Variants in NRG1 observed in about 807,000 individuals in gnomAD.
NRG1 encodes the protein pro-neuregulin-1, membrane-bound isoform.
In NRG1, 18 loss-of-function variants were observed where a neutral mutation model predicts 63.8. That is an observed-to-expected ratio of 0.28 (90% CI 0.19 to 0.42). The LOEUF is 0.42. Ranked by LOEUF, NRG1 falls within the 10% of genes least tolerant of loss-of-function variation. The pLI is 1.00. For missense variants in NRG1, 762 were observed against 814.7 expected (o/e 0.94, Z 0.79); for synonymous variants, 302 against 301.3 (o/e 1.00, Z -0.02).
chr8:31,676,537 A>G (rs1785338535), intron 1 of NRG1, among the ~76,000 whole-genome samples: 1 of 152,184 alleles, frequency 6.6e-6, no homozygotes, highest in South Asian at 2.1e-4. Context: ...CATCAGCAGC[A>G]ACAGCTTGTT....
At chr8:31,913,621 C>G (rs1833129834) in intron 1 of NRG1, among the ~76,000 whole-genome samples, 1 of 152,044 alleles carries the variant, frequency 6.6e-6, no homozygotes, top group African/African-American at 2.4e-5. Context: ...GACAAAGATG[C>G]AAATAGGCAA....
chr8:32,708,501 C>T (rs529772560), intron 5 of NRG1, among the ~76,000 whole-genome samples: 1 of 152,278 alleles, frequency 6.6e-6, no homozygotes, highest in East Asian at 1.9e-4. Context: ...TACTGAGAAC[C>T]TCCATTGAAT....
In NRG1 at chr8:31,772,119, A is replaced by G. The variant is rs1818682865; in HGVS notation, c.37+132688A>G. The stretch of plus-strand genomic sequence containing the variant: ...TTATCCCATTTGTGAGTCTTGATGC[A>G]CACAATTGACTAACTGTGTTTGGGT... On this transcript the variant is annotated intron_variant, in intron 1 of 10. Transcript: ENST00000519301. 2.0e-5 allele frequency among the ~76,000 whole-genome samples: 3 copies of G among 152,234 alleles called. No homozygotes were observed. In the South Asian group the frequency reaches 6.2e-4, roughly 31 times the overall value.
intron 1 of NRG1, among the ~76,000 whole-genome samples, chr8:31,724,678 T>C (rs1465024560): frequency 2.0e-5 from 3 of 152,148 alleles, no homozygotes; most frequent in Admixed American, 2.0e-4. Context: ...CACTTATTTG[T>C]AAGAGAAGCT....
chr8:31,817,923 T>C (rs1823612816), intron 1 of NRG1, among the ~76,000 whole-genome samples: 1 of 152,198 alleles, frequency 6.6e-6, no homozygotes, highest in Non-Finnish European at 1.5e-5. Flanking sequence ...ACAAATAATG[T>C]TTATTTTATA....
In NRG1 at chr8:31,709,514, A is replaced by G. The variant is rs539632227; in HGVS notation, c.37+70083A>G. Among the ~76,000 whole-genome samples the G allele has an allele frequency of 3.9e-5, 6 of 152,172 alleles. No individual in the cohort carries two copies. The East Asian group carries it at 1.2e-3, about 29-fold the overall frequency. On this transcript the variant is annotated intron_variant, in intron 1 of 10. Coordinates refer to the NRG1 transcript ENST00000519301. ...TAAAATTTTTCCTTGTTCTGGGGCT[A>G]TTTTAAAATGCTGGAATTCACTGTT... is the stretch of plus-strand genomic sequence containing the variant.
At chr8:32,069,754 G>C (rs981315717) in intron 1 of NRG1, among the ~76,000 whole-genome samples, 33 of 152,140 alleles carry the variant, frequency 2.2e-4, no homozygotes, top group African/African-American at 8.0e-4. Flanking sequence ...AAAACCTTGA[G>C]GGTGTTGGCA....
chr8:32,644,815 T>C (rs1853161432), intron 5 of NRG1, among the ~76,000 whole-genome samples: 1 of 151,788 alleles, frequency 6.6e-6, no homozygotes, highest in African/African-American at 2.4e-5. Context: ...TTTTTTTTTT[T>C]CTGCTGAATA....
chr8:32,177,406 C>T lies in NRG1; in HGVS notation c.38-418422C>T, dbSNP rs375578660. Among the ~76,000 whole-genome samples the T allele has an allele frequency of 5.9e-5, 9 of 151,794 alleles. No individual in the cohort carries two copies. The East Asian group carries it at 9.7e-4, about 16-fold the overall frequency. On this transcript the variant is annotated intron_variant, in intron 1 of 10. Coordinates refer to the NRG1 transcript ENST00000519301. ...TGAGGAGTTAATGGGTGCAGCACAC[C>T]GACATGGCACATGTATACATATGTA...
At chr8:32,087,832 G>A (rs1315640723) in intron 1 of NRG1, among the ~76,000 whole-genome samples, 1 of 152,150 alleles carries the variant, frequency 6.6e-6, no homozygotes, top group Non-Finnish European at 1.5e-5. Flanking sequence ...TGCAGCATTT[G>A]TCGTTCTTGA....
At chr8:31,841,452 C>T (rs1339879787) in intron 1 of NRG1, among the ~76,000 whole-genome samples, 1 of 152,086 alleles carries the variant, frequency 6.6e-6, no homozygotes, top group African/African-American at 2.4e-5. Flanking sequence ...ATTTGTACCT[C>T]TGCAAGATTT....
chr8:31,956,702 A>G (rs1804498677), intron 1 of NRG1, among the ~76,000 whole-genome samples: 1 of 152,214 alleles, frequency 6.6e-6, no homozygotes, highest in South Asian at 2.1e-4. Flanking sequence ...TTCATATAAC[A>G]TGATGAGAAG....
intron 1 of NRG1, among the ~76,000 whole-genome samples, chr8:32,087,338 T>C (rs768073678): frequency 2.6e-5 from 4 of 152,050 alleles, no homozygotes; most frequent in Non-Finnish European, 4.4e-5. Context: ...TCTTCCCCTT[T>C]TGCCTTCCAC....
At chr8:32,259,282 G>A (rs904355107) in intron 1 of NRG1, among the ~76,000 whole-genome samples, 12 of 152,210 alleles carry the variant, frequency 7.9e-5, no homozygotes, top group African/African-American at 1.4e-4. Context: ...TTTAACAGGC[G>A]ATTAGGCCAT....
At chr8:32,157,675 AAT>A (rs1444371004) in intron 1 of NRG1, among the ~76,000 whole-genome samples, 4 of 148,892 alleles carry the variant, frequency 2.7e-5, no homozygotes, top group Non-Finnish European at 5.9e-5. Flanking sequence ...TATATTTTTA[AAT>A]ATATGTTTAT....
intron 1 of NRG1, among the ~76,000 whole-genome samples, chr8:32,089,105 C>T (rs1463180401): frequency 6.6e-6 from 1 of 152,068 alleles, no homozygotes; most frequent in Non-Finnish European, 1.5e-5. Flanking sequence ...TGCTCATGTG[C>T]ATGGATCCCT....
chr8:31,732,768 C>T (rs546778542), intron 1 of NRG1, among the ~76,000 whole-genome samples: 23 of 151,976 alleles, frequency 1.5e-4, no homozygotes, highest in African/African-American at 5.3e-4. Flanking sequence ...GGTGATGCGC[C>T]CCTGTAATCT....
intron 1 of NRG1, among the ~76,000 whole-genome samples, chr8:31,938,857 A>C (rs1385210268): frequency 6.6e-6 from 1 of 152,186 alleles, no homozygotes; most frequent in East Asian, 1.9e-4. Context: ...AGTCCATCAA[A>C]GACAAAGAGA....
chr8:31,840,900 G>A (rs765551651), intron 1 of NRG1, among the ~76,000 whole-genome samples: 11 of 152,008 alleles, frequency 7.2e-5, no homozygotes, highest in Non-Finnish European at 1.5e-4. Context: ...TTTTTTTTTA[G>A]GCTTGGCCTA....
Sources: gnomAD v4.1 joint callset for allele counts (sites outside exome capture counted in the v4.1 genomes callset) on GRCh38, gnomAD v4.1.1 for gene constraint, MANE v1.5 for transcripts, NCBI Gene and HGNC (gene_info 2026-07-23, HGNC 2026-07-21) for gene names.